STAG3: variants seen among roughly 807,000 people sequenced by gnomAD.
STAG3 encodes STAG3 cohesin complex component, also known as cohesin subunit SA-3.
A neutral mutation model predicts 160.7 loss-of-function variants in STAG3; 101 were observed. The observed-to-expected ratio is 0.63, with a 90% CI of 0.54 to 0.74. The LOEUF (loss-of-function observed/expected upper bound fraction) is 0.74. STAG3 is among the 30% of genes least tolerant of loss of function. The pLI is 0.00. For synonymous variants in STAG3, 519 were observed against 585.0 expected (o/e 0.89, Z 1.63); for missense variants, 1,188 against 1,517.4 (o/e 0.78, Z 3.61).
At chr7:100,197,550 T>C (rs1800768893) in intron 10 of STAG3, 2 of 636,556 alleles carry the variant, frequency 3.1e-6, no homozygotes, top group Non-Finnish European at 5.7e-6. Context: ...GTAATGCAGG[T>C]GCTAAGGGGC....
At chr7:100,208,508 T>C (rs1801868805) in intron 29 of STAG3, among the ~76,000 whole-genome samples, 1 of 152,220 alleles carries the variant, frequency 6.6e-6, no homozygotes. Flanking sequence ...ATGGAATTGC[T>C]GGAGCTTAAA....
At chr7:100,213,536 C>T (rs1372643070) in intron 32 of STAG3, 199 bp from the exon 33 acceptor site, 1 of 985,282 alleles carries the variant, frequency 1.0e-6, no homozygotes, top group Non-Finnish European at 1.2e-6. Context: ...ATTTAAGGGG[C>T]TCAGTCAGCA....
intron 16 of STAG3, 120 bp from the exon 17 acceptor site, chr7:100,200,116 G>A: frequency 1.6e-6 from 1 of 620,056 alleles, no homozygotes; most frequent in Admixed American, 3.1e-5. Context: ...AAATCTCGTG[G>A]GAGCTACTGA....
chr7:100,179,199 C>T (rs1320708467), intron 1 of STAG3, among the ~76,000 whole-genome samples: 1 of 147,230 alleles, frequency 6.8e-6, no homozygotes, highest in South Asian at 2.2e-4. Context: ...GCAGTTTACA[C>T]TTCTGAAGCC....
chr7:100,188,319 T>A, intron 5 of STAG3, 134 bp from the exon 6 acceptor site: 1 of 767,902 alleles, frequency 1.3e-6, no homozygotes. Flanking sequence ...GGCAGACTGT[T>A]GACCAGGGGG....
Position 100,198,240 on chromosome 7 carries a change from T to C in STAG3, c.1244+74T>C. On this transcript the variant is annotated intron_variant, in intron 12 of 33. Transcript: ENST00000615138. ...CAGGGTCATCTCCCTCCACCTGTCA[T>C]AGCTGACTCTTCCATCTGTGCAGGT... 7 of 1,423,182 alleles carry C rather than the reference T, an allele frequency of 4.9e-6. No individual in the cohort carries two copies. The South Asian group carries it at 8.0e-5, about 16-fold the overall frequency. 88.2% of individuals were successfully genotyped at this position (1,423,182 alleles called of 1,614,324 possible).
At position 100,198,068 on chromosome 7, in the gene STAG3, G is replaced by T; in HGVS notation, c.1165-19G>T. The T allele has an allele frequency of 6.2e-7, 1 of 1,613,230 alleles. No homozygotes were observed. Among genetic ancestry groups the T allele is most frequent in the South Asian group, 1.1e-5 (1 of 91,042 alleles). Reference sequence around the variant, plus strand: ...GAATGGGTGTAATGAGATATTGAGTGACTTTCTCCTTTCTGCAGGACCGGA... The same window carrying T: ...GAATGGGTGTAATGAGATATTGAGTTACTTTCTCCTTTCTGCAGGACCGGA... On this transcript the variant is annotated intron_variant, in intron 11 of 33. Coordinates refer to ENST00000615138, the MANE Select transcript of STAG3 (RefSeq NM_001282717.2).
rs71126310 is a variant in STAG3 at position 100,184,463 on chromosome 7, G to GGTTTTTTT, written c.336+1624_336+1625insGTTTTTTT. ...TTATATGCAGTTGTACAGCGTGTTA[G>GGTTTTTTT]TTTTTTTTTTTTTTTTTTTTTTTGA... On this transcript the variant is annotated intron_variant, in intron 4 of 33. Transcript: ENST00000615138. 1.6e-3 allele frequency among the ~76,000 whole-genome samples: 155 copies of GGTTTTTTT among 98,588 alleles called. 21 individuals are homozygous for GGTTTTTTT. Among genetic ancestry groups the GGTTTTTTT allele is most frequent in the African/African-American group, 5.2e-3 (131 of 25,346 alleles). The allele number at this position is 98,588 out of a possible 152,430, so 64.7% of individuals were successfully genotyped here.
chr7:100,211,962 C>A, intron 32 of STAG3, 86 bp downstream of exon 32: 2 of 1,241,074 alleles, frequency 1.6e-6, no homozygotes, highest in South Asian at 2.7e-5. Flanking sequence ...TCTCTCCGCT[C>A]GGTGATGCCT....
rs142339148 is a variant in STAG3 at position 100,182,745 on chromosome 7, G to T, written c.242G>T (p.Gly81Val). 1.2e-6 allele frequency: 2 copies of T among 1,613,770 alleles called. No individual in the cohort carries two copies. The highest frequency in any genetic ancestry group is 2.7e-5 in the African/African-American group (2 of 74,936). ...TAGGTGGCAAAACATCCAAAGAAAG[G>T]GTCCCGAGTGGTACATCGTCATAGC... ...TTPVAKHPKKGSRVVHRHSRK... is the reference protein window; with the variant it reads ...TTPVAKHPKKVSRVVHRHSRK... The change falls in exon 4 of 34, where the codon GGG becomes GTG. Residue 81 changes from glycine (G) to valine (V), a missense_variant. Around this residue, in one of 4 missense-constraint regions of STAG3, gnomAD observed 296 missense variants for 404.0 expected, o/e 0.73. Transcript: ENST00000615138.
chr7:100,188,782 T>G (rs1800180436), intron 6 of STAG3, 30 bp from the exon 7 acceptor site: 2 of 1,611,604 alleles, frequency 1.2e-6, no homozygotes, highest in African/African-American at 1.3e-5. Context: ...GGTAATAACT[T>G]TCCCATCCTT....
chr7:100,190,165 T>G (rs1800269207), intron 8 of STAG3, among the ~76,000 whole-genome samples: 1 of 152,246 alleles, frequency 6.6e-6, no homozygotes, highest in South Asian at 2.1e-4. Context: ...GCTTGGCTCA[T>G]AGTAGATACT....
intron 12 of STAG3, 100 bp from the exon 13 acceptor site, chr7:100,198,375 G>GTTA: frequency 1.5e-6 from 2 of 1,373,708 alleles, no homozygotes; most frequent in Non-Finnish European, 2.1e-6. Context: ...TTTTTTGTGA[G>GTTA]TTATGTCCTT....
At chr7:100,218,034 C>G (rs1253082891), downstream of STAG3, among the ~76,000 whole-genome samples, 1 of 149,834 alleles carries the variant, frequency 6.7e-6, no homozygotes, top group Non-Finnish European at 1.5e-5. Context: ...CTCCCTTTCC[C>G]GGTCTGCTAA....
chr7:100,214,928 T>C (rs1046220789), downstream of STAG3: 1 of 152,098 alleles, frequency 6.6e-6, no homozygotes, highest in African/African-American at 2.4e-5. Flanking sequence ...AAGAAAATTC[T>C]CTGGCCTATG....
chr7:100,194,934 G>T, intron 8 of STAG3, among the ~76,000 whole-genome samples: 1 of 152,132 alleles, frequency 6.6e-6, no homozygotes, highest in Non-Finnish European at 1.5e-5. Flanking sequence ...TAGAAAAATG[G>T]CACTGATAGG....
At chr7:100,193,220 C>T (rs1327094155) in intron 8 of STAG3, among the ~76,000 whole-genome samples, 1 of 152,108 alleles carries the variant, frequency 6.6e-6, no homozygotes. Flanking sequence ...ATCAGTTAGG[C>T]TTTGTTGTTT....
intron 9 of STAG3, among the ~76,000 whole-genome samples, chr7:100,196,319 T>C (rs4299940): frequency 0.48 from 72,034 of 150,522 alleles, 17,715 homozygotes; most frequent in East Asian, 0.69. Flanking sequence ...CTCACTGTGT[T>C]GCCCAGGCTG....
Position 100,202,203 on chromosome 7 carries a change from T to G in STAG3, c.2426T>G (p.Ile809Ser). 6.2e-7 allele frequency: 1 copy of G among 1,614,116 alleles called. No individual in the cohort carries two copies. The highest frequency in any genetic ancestry group is 8.5e-7 in the Non-Finnish European group (1 of 1,179,994). Residue 809 changes from isoleucine to serine, a missense_variant, in exon 24 of 34, where the codon ATC becomes AGC. By Grantham distance (142) the Ile-to-Ser change is moderately radical (BLOSUM62 -2). Around this residue, in one of 4 missense-constraint regions of STAG3, gnomAD observed 647 missense variants for 717.2 expected, o/e 0.90. Transcript: ENST00000615138. The stretch of plus-strand genomic sequence containing the variant: ...GTCTTATTAAGTGATCTACTTCTCA[T>G]CTTTAGCCCTCAGATGATTGTTGGG... ...AFVLLSDLLLIFSPQMIVGGR... is the reference protein window; with the variant it reads ...AFVLLSDLLLSFSPQMIVGGR...
Sources: allele counts gnomAD v4.1 joint callset (sites outside exome capture counted in the v4.1 genomes callset), GRCh38; gene constraint gnomAD v4.1.1; regional missense constraint gnomAD v4.1.1; transcripts MANE v1.5; gene names NCBI Gene and HGNC (gene_info 2026-07-23, HGNC 2026-07-21).